The following ITGB6 variants were observed in gnomAD, a reference collection of about 807,000 sequenced individuals.
ITGB6 encodes the protein integrin beta-6.
In ITGB6, 80 loss-of-function variants were observed where a neutral mutation model predicts 84.5. The ratio of observed to expected loss-of-function variants is 0.95; its 90% CI spans 0.79 to 1.14. ITGB6 has a LOEUF of 1.14. ITGB6 is among the 50% of genes most tolerant of loss of function. ITGB6 has a pLI of 0.00. For missense variants in ITGB6, 1,006 were observed against 968.0 expected, an observed-to-expected ratio of 1.04 and a Z score of -0.52; for synonymous variants, 383 against 354.9, an observed-to-expected ratio of 1.08 and a Z score of -0.89.
chr2:160,109,452 G>A (rs1256535562), intron 13 of ITGB6, among the ~76,000 whole-genome samples: 1 of 152,202 alleles, frequency 6.6e-6, no homozygotes, highest in African/African-American at 2.4e-5. Flanking sequence ...GCAAGATGAA[G>A]CTTGCTACAA....
intron 12 of ITGB6, among the ~76,000 whole-genome samples, chr2:160,119,888 T>C (rs982047223): frequency 6.6e-6 from 1 of 152,170 alleles, no homozygotes; most frequent in Non-Finnish European, 1.5e-5. Flanking sequence ...AAAGAAGACA[T>C]TTATGCAGCC....
intron 3 of ITGB6, 67 bp from the exon 4 acceptor site, chr2:160,195,682 C>T (rs1453408368): frequency 8.9e-6 from 14 of 1,579,552 alleles, no homozygotes; most frequent in East Asian, 2.3e-5. Flanking sequence ...ACTGGCCACT[C>T]GCTGGGTCAG....
intron 14 of ITGB6, among the ~76,000 whole-genome samples, chr2:160,105,033 C>G (rs1288534227): frequency 2.8e-4 from 42 of 152,160 alleles, no homozygotes; most frequent in Non-Finnish European, 2.9e-5. Context: ...AGGGAAAAAA[C>G]TCAGTTAAAT....
At chr2:160,112,317 A>C (rs887461459) in intron 12 of ITGB6, 118 bp from the exon 13 acceptor site, 3 of 981,302 alleles carry the variant, frequency 3.1e-6, no homozygotes, top group Admixed American at 3.0e-5. Flanking sequence ...GCAGAATGAG[A>C]ATAGGAGAGG....
intron 4 of ITGB6, among the ~76,000 whole-genome samples, chr2:160,194,518 C>G (rs1207377833): frequency 6.6e-6 from 1 of 151,932 alleles, no homozygotes; most frequent in Non-Finnish European, 1.5e-5. Context: ...TGGCCCTGGG[C>G]AAATAGCTAA....
At chr2:160,111,997 G>T in intron 13 of ITGB6, 83 bp downstream of exon 13, 2 of 1,381,306 alleles carry the variant, frequency 1.4e-6, no homozygotes, top group Non-Finnish European at 2.0e-6. Flanking sequence ...TTCCTGGCAT[G>T]CTACCCAGAG....
intron 9 of ITGB6, 44 bp from the exon 10 acceptor site, chr2:160,137,895 G>A: frequency 6.3e-7 from 1 of 1,589,204 alleles, no homozygotes; most frequent in Non-Finnish European, 8.6e-7. Flanking sequence ...CCACCAAAAT[G>A]CACGAGGTGA....
chr2:160,182,748 T>C (rs377652212), intron 4 of ITGB6, among the ~76,000 whole-genome samples: 21 of 152,246 alleles, frequency 1.4e-4, no homozygotes, highest in African/African-American at 5.1e-4. Flanking sequence ...GAGAGAAAGG[T>C]TGGGTTACCC....
intron 7 of ITGB6, among the ~76,000 whole-genome samples, chr2:160,147,952 A>G (rs976746006): frequency 1.3e-5 from 2 of 152,228 alleles, no homozygotes; most frequent in Non-Finnish European, 2.9e-5. Flanking sequence ...CAATCCATGA[A>G]AGAAAAAATT....
chr2:160,167,538 C>A (rs1049703149), intron 7 of ITGB6, among the ~76,000 whole-genome samples: 1 of 152,050 alleles, frequency 6.6e-6, no homozygotes, highest in Non-Finnish European at 1.5e-5. Context: ...AACATAAATT[C>A]GCCTCATAAT....
rs1559072465 is a variant in ITGB6, at chr2:160,101,801, T to A, written c.2302A>T (p.Thr768Ser). The change falls in exon 15 of 15, where the codon ACT becomes TCT. Residue 768 changes from threonine (T) to serine (S), a missense_variant. By Grantham distance (58) the Thr-to-Ser change is moderately conservative. Coordinates refer to ENST00000283249, the MANE Select transcript of ITGB6 (RefSeq NM_000888.5). ...TGTTTATAAGTTACATTTTTAAAAGTACTTGTGGATCCTCTGTAGAGTGGA... is the reference window on the plus strand; with the variant it reads ...TGTTTATAAGTTACATTTTTAAAAGAACTTGTGGATCCTCTGTAGAGTGGA... ...TNPLYRGSTS[T>S]FKNVTYKHRE... The A allele has an allele frequency of 1.3e-6, 2 of 1,598,598 alleles. No individual in the cohort carries two copies. Among genetic ancestry groups the A allele is most frequent in the Non-Finnish European group, 1.7e-6 (2 of 1,166,790 alleles).
chr2:160,127,267 C>G (rs999301873), intron 10 of ITGB6, among the ~76,000 whole-genome samples: 2 of 152,146 alleles, frequency 1.3e-5, no homozygotes, highest in African/African-American at 4.8e-5. Context: ...AATCTGGAAC[C>G]TTTTTTAAGT....
intron 7 of ITGB6, among the ~76,000 whole-genome samples, chr2:160,166,979 C>T (rs924886871): frequency 6.6e-6 from 1 of 152,184 alleles, no homozygotes; most frequent in Non-Finnish European, 1.5e-5. Context: ...GCAGACAGGG[C>T]CTTCGTTGAA....
intron 7 of ITGB6, among the ~76,000 whole-genome samples, chr2:160,147,705 G>A (rs1374206187): frequency 2.6e-5 from 4 of 152,174 alleles, no homozygotes; most frequent in African/African-American, 9.7e-5. Context: ...TGACAAAGGA[G>A]CAAAGGCAAC....
At chr2:160,107,866 A>G in intron 13 of ITGB6, 21 bp from the exon 14 acceptor site, 1 of 1,558,248 alleles carries the variant, frequency 6.4e-7, no homozygotes, top group Non-Finnish European at 8.7e-7. Context: ...AAAGAAAATT[A>G]TAAGAAGGTG....
intron 10 of ITGB6, among the ~76,000 whole-genome samples, chr2:160,133,807 T>A (rs1683576702): frequency 6.6e-6 from 1 of 152,108 alleles, no homozygotes. Context: ...GAATGACTAC[T>A]GCGTACATAA....
intron 14 of ITGB6, among the ~76,000 whole-genome samples, chr2:160,107,385 G>A (rs1055899654): frequency 9.2e-5 from 14 of 152,086 alleles, no homozygotes; most frequent in African/African-American, 2.4e-4. Flanking sequence ...GTGAGGAAGC[G>A]CTGGGTAAAA....
chr2:160,113,949 T>C lies in ITGB6; in HGVS notation c.1982-1750A>G, dbSNP rs573047290. 4.3e-4 allele frequency among the ~76,000 whole-genome samples: 65 copies of C among 152,306 alleles called. 1 individual carries two copies. Among genetic ancestry groups the C allele is most frequent in the African/African-American group, 1.6e-3 (65 of 41,558 alleles). ...TTTCTTGCTTCTTTCCCCCTCTCTGTGGGAACAGCCCAGGCTCACTCTGCT... is the reference window on the plus strand; with the variant it reads ...TTTCTTGCTTCTTTCCCCCTCTCTGCGGGAACAGCCCAGGCTCACTCTGCT... On this transcript the variant is annotated intron_variant, in intron 12 of 14. Coordinates refer to ENST00000283249, the MANE Select transcript of ITGB6 (RefSeq NM_000888.5).
chr2:160,109,544 T>C (rs1559084260), intron 13 of ITGB6, among the ~76,000 whole-genome samples: 3 of 152,218 alleles, frequency 2.0e-5, no homozygotes, highest in Admixed American at 1.3e-4. Context: ...AGATAATTAT[T>C]TTAAGAACTG....
Sources: gnomAD v4.1 joint callset for allele counts (sites outside exome capture counted in the v4.1 genomes callset) on GRCh38, gnomAD v4.1.1 for gene constraint, MANE v1.5 for transcripts, NCBI Gene and HGNC (gene_info 2026-07-23, HGNC 2026-07-21) for gene names.